Variants in KIAA0232 observed in about 807,000 individuals in gnomAD.
KIAA0232 encodes the protein KIAA0232.
KIAA0232 carries 27 observed loss-of-function variants against 122.0 expected under a neutral mutation model. That is an observed-to-expected ratio of 0.22 (90% confidence interval 0.16 to 0.31). The LOEUF (loss-of-function observed/expected upper bound fraction) is 0.31, where lower values mean the gene tolerates loss of function less well. KIAA0232 is among the 10% of genes least tolerant of loss of function. The pLI, the probability that KIAA0232 is intolerant of heterozygous loss-of-function variation, is 1.00. For missense variants in KIAA0232, 1,551 were observed against 1,634.2 expected (o/e 0.95, Z 0.88); for synonymous variants, 613 against 587.6 (o/e 1.04, Z -0.63).
chr4:6,868,612 C>T (rs571985163), intron 7 of KIAA0232, among the ~76,000 whole-genome samples: 5 of 152,222 alleles, frequency 3.3e-5, no homozygotes, highest in South Asian at 2.1e-4. Context: ...GCACTGAGGC[C>T]GCTGCTGTGC....
At chr4:6,839,159 T>C (rs1262010656) in intron 3 of KIAA0232, among the ~76,000 whole-genome samples, 1 of 152,198 alleles carries the variant, frequency 6.6e-6, no homozygotes, top group African/African-American at 2.4e-5. Flanking sequence ...GGATTCTTCC[T>C]TTCAAGCTTC....
At chr4:6,809,473 G>A (rs542252775) in intron 2 of KIAA0232, among the ~76,000 whole-genome samples, 3 of 152,268 alleles carry the variant, frequency 2.0e-5, no homozygotes, top group African/African-American at 7.2e-5. Flanking sequence ...TTGTCACCCT[G>A]TGTCCCAGAA....
intron 2 of KIAA0232, among the ~76,000 whole-genome samples, chr4:6,814,012 T>C (rs1718000106): frequency 6.6e-6 from 1 of 152,120 alleles, no homozygotes; most frequent in South Asian, 2.1e-4. Context: ...GGGATAATTT[T>C]CATTGGACCA....
rs114579812 is a variant in KIAA0232, at chr4:6,854,646, C to G, written c.370-2518C>G. Among the ~76,000 whole-genome samples, 328 of 152,200 alleles carry G rather than the reference C, an allele frequency of 2.2e-3. 1 individual carries two copies. The highest frequency in any genetic ancestry group is 7.2e-3 in the African/African-American group (300 of 41,530). The stretch of plus-strand genomic sequence containing the variant: ...AATTTGAATTTTAGAGTGCTCTTAA[C>G]GGTTTGCAGAGTGTTTTACATGTGT... On this transcript the variant is annotated intron_variant, in intron 4 of 9. Coordinates refer to ENST00000307659, the MANE Select transcript of KIAA0232 (RefSeq NM_014743.3).
At chr4:6,880,760 A>G in intron 9 of KIAA0232, 27 bp from the exon 10 acceptor site, 1 of 1,466,182 alleles carries the variant, frequency 6.8e-7, no homozygotes, top group Non-Finnish European at 9.1e-7. Context: ...AGTCTTTTTG[A>G]TGTGTTGAAA....
At chr4:6,877,623 A>C (rs1373243737) in intron 9 of KIAA0232, among the ~76,000 whole-genome samples, 3 of 152,158 alleles carry the variant, frequency 2.0e-5, no homozygotes, top group African/African-American at 7.2e-5. Flanking sequence ...CCGATGTTCG[A>C]GGGCAGGAAG....
chr4:6,875,919 C>T (rs1027900141), intron 8 of KIAA0232, among the ~76,000 whole-genome samples: 3 of 152,170 alleles, frequency 2.0e-5, no homozygotes, highest in Admixed American at 2.0e-4. Flanking sequence ...ATCTGCTTTT[C>T]AGAAAGTGCC....
intron 1 of KIAA0232, among the ~76,000 whole-genome samples, chr4:6,783,108 C>A (rs535290724): frequency 6.6e-6 from 1 of 151,370 alleles, no homozygotes; most frequent in Non-Finnish European, 1.5e-5. Flanking sequence ...GGCTCCGGGG[C>A]CAGCCTGAGG....
intron 1 of KIAA0232, among the ~76,000 whole-genome samples, chr4:6,793,153 A>G (rs1185459623): frequency 3.3e-5 from 5 of 152,076 alleles, no homozygotes. Flanking sequence ...ACATTACCTA[A>G]TGTTAACTAA....
Position 6,824,518 on chromosome 4 carries a change from C to T in KIAA0232, c.65C>T (p.Pro22Leu), listed in dbSNP as rs769354886. The T allele has an allele frequency of 6.2e-7, 1 of 1,614,162 alleles. No homozygotes were observed. Among genetic ancestry groups the T allele is most frequent in the Non-Finnish European group, 8.5e-7 (1 of 1,180,020 alleles). ...LPSESSSSSY[P>L]GPVSVSEMSL... is the part of the protein sequence containing the mutation. ...TCTGAAAGCTCCTCAAGTTCTTATC[C>T]AGGCCCTGTGTCTGTTTCTGAAATG... The change falls in exon 3 of 10, where the codon CCA becomes CTA. Residue 22 changes from proline (P) to leucine (L), a missense_variant. Pro to Leu is a moderately conservative substitution (Grantham distance 98). Around this residue, in one of 5 missense-constraint regions of KIAA0232, gnomAD observed 37 missense variants for 28.5 expected, o/e 1.30. Transcript: ENST00000307659.
intron 4 of KIAA0232, among the ~76,000 whole-genome samples, chr4:6,853,661 C>G (rs1009514171): frequency 1.4e-4 from 21 of 152,278 alleles, no homozygotes; most frequent in Admixed American, 6.5e-4. Flanking sequence ...AAAGAGAAAC[C>G]TGTAAGATGA....
chr4:6,851,093 G>A (rs1376569210), intron 4 of KIAA0232, among the ~76,000 whole-genome samples: 1 of 152,148 alleles, frequency 6.6e-6, no homozygotes, highest in East Asian at 1.9e-4. Flanking sequence ...CTTATAGACT[G>A]GAGTATTTGA....
intron 1 of KIAA0232, among the ~76,000 whole-genome samples, chr4:6,798,972 A>G (rs1271340335): frequency 6.6e-6 from 1 of 152,158 alleles, no homozygotes; most frequent in African/African-American, 2.4e-5. Context: ...AAGTACCCCA[A>G]ACTTTGATGG....
intron 4 of KIAA0232, among the ~76,000 whole-genome samples, chr4:6,852,466 A>G (rs1720343397): frequency 6.6e-6 from 1 of 152,318 alleles, no homozygotes; most frequent in South Asian, 2.1e-4. Flanking sequence ...TGAAACGATT[A>G]CCATGATCAC....
chr4:6,837,962 G>GT lies in KIAA0232; in HGVS notation c.232-4098dup, dbSNP rs533750434. ...GAGGGAGAGGCAGAGGCGGTTGTTT[G>GT]TTTTTTTCTTGTAAATTTGTTTAAG... is the stretch of plus-strand genomic sequence containing the variant. On this transcript the variant is annotated intron_variant, in intron 3 of 9. Transcript: ENST00000307659. 4.7e-3 allele frequency among the ~76,000 whole-genome samples: 720 copies of GT among 151,990 alleles called. 2 individuals carry two copies. The highest frequency in any genetic ancestry group is 0.016 in the African/African-American group (666 of 41,458).
At position 6,855,944 on chromosome 4, in the gene KIAA0232, T is replaced by C. The variant is rs914954263; in HGVS notation, c.370-1220T>C. 15 of 711,728 alleles carry C rather than the reference T, an allele frequency of 2.1e-5. No individual in the cohort carries two copies. Among genetic ancestry groups the C allele is most frequent in the Non-Finnish European group, 2.6e-5 (15 of 580,200 alleles). The allele number at this position is 711,728 out of a possible 1,614,324, so 44.1% of individuals were successfully genotyped here. On this transcript the variant is annotated intron_variant, in intron 4 of 9. Coordinates refer to ENST00000307659, the MANE Select transcript of KIAA0232 (RefSeq NM_014743.3). This position sits in a 1 kb window ranked among gnomAD's most constrained non-coding sequence, Gnocchi z 4.3. ...GCAACTGTTTGTGGTTGAACAGTGT[T>C]TATGACTAATATCTGCCATCGTTTT...
intron 7 of KIAA0232, chr4:6,866,381 C>T (rs930947963): frequency 5.4e-6 from 1 of 186,148 alleles, no homozygotes; most frequent in African/African-American, 2.4e-5. Context: ...GTTGTCAGCA[C>T]TGCTCTCTCG....
chr4:6,879,575 A>T (rs1721944124), intron 9 of KIAA0232, among the ~76,000 whole-genome samples: 1 of 152,206 alleles, frequency 6.6e-6, no homozygotes, highest in African/African-American at 2.4e-5. Flanking sequence ...ACCAGGGGCA[A>T]TGCTGCCATT....
chr4:6,873,222 G>T (rs981571855), intron 8 of KIAA0232, among the ~76,000 whole-genome samples: 1 of 152,278 alleles, frequency 6.6e-6, no homozygotes, highest in Middle Eastern at 3.4e-3. Context: ...ACTGTAATTT[G>T]CCCGAAATCA....
Sources: allele counts gnomAD v4.1 joint callset (sites outside exome capture counted in the v4.1 genomes callset), GRCh38; gene constraint gnomAD v4.1.1; regional missense constraint gnomAD v4.1.1; non-coding constraint Gnocchi (gnomAD v3.1); transcripts MANE v1.5; gene names NCBI Gene and HGNC (gene_info 2026-07-23, HGNC 2026-07-21).